The following PPP1R9A variants were observed in gnomAD, a reference collection of about 807,000 sequenced individuals.
The protein encoded by PPP1R9A is neurabin-1.
A neutral mutation model predicts 141.9 loss-of-function variants in PPP1R9A; 59 were observed. That is an observed-to-expected ratio of 0.42 (90% confidence interval 0.34 to 0.52). The LOEUF is 0.52. PPP1R9A is among the 20% of genes least tolerant of loss of function. PPP1R9A has a pLI of 0.10. For synonymous variants in PPP1R9A, 500 were observed against 569.7 expected, an observed-to-expected ratio of 0.88 and a Z score of 1.74; for missense variants, 1,444 against 1,611.9, an observed-to-expected ratio of 0.90 and a Z score of 1.78.
At chr7:95,003,467 A>C (rs1192504220) in intron 2 of PPP1R9A, among the ~76,000 whole-genome samples, 2 of 152,206 alleles carry the variant, frequency 1.3e-5, no homozygotes, top group East Asian at 3.9e-4. Context: ...TACCATGTAG[A>C]GTATAAAAAT....
At chr7:95,244,978 G>A (rs975705951) in intron 8 of PPP1R9A, among the ~76,000 whole-genome samples, 6 of 152,178 alleles carry the variant, frequency 3.9e-5, no homozygotes, top group African/African-American at 1.4e-4. Context: ...AGAGTACATG[G>A]TAGACCAGAG....
chr7:95,006,134 A>G (rs982277739), intron 2 of PPP1R9A, among the ~76,000 whole-genome samples: 5 of 152,056 alleles, frequency 3.3e-5, no homozygotes, highest in African/African-American at 1.2e-4. Flanking sequence ...ACAAAATCTG[A>G]ATTACTTGCT....
At chr7:95,269,129 G>T in intron 13 of PPP1R9A, 78 bp from the exon 14 acceptor site, 8 of 1,331,594 alleles carry the variant, frequency 6.0e-6, no homozygotes, top group Non-Finnish European at 8.1e-6. Flanking sequence ...ATAAAAGGTT[G>T]GTCTTATTTC....
At chr7:95,243,378 G>A (rs1318522835) in intron 8 of PPP1R9A, among the ~76,000 whole-genome samples, 4 of 152,092 alleles carry the variant, frequency 2.6e-5, no homozygotes, top group Admixed American at 6.6e-5. Flanking sequence ...TACCTAGCAC[G>A]TAGTCTCAGT....
intron 2 of PPP1R9A, among the ~76,000 whole-genome samples, chr7:94,932,773 T>G (rs956889947): frequency 6.6e-6 from 1 of 150,762 alleles, no homozygotes; most frequent in Non-Finnish European, 1.5e-5. Context: ...ATTTTTTTTT[T>G]TTTTTTTTTT....
chr7:95,259,419 A>G (rs559841633), intron 12 of PPP1R9A, among the ~76,000 whole-genome samples: 2 of 152,218 alleles, frequency 1.3e-5, no homozygotes, highest in Admixed American at 1.3e-4. Flanking sequence ...AAGCTAAAAA[A>G]TATATATTAG....
chr7:95,252,342 A>G (rs1798995965), intron 12 of PPP1R9A, among the ~76,000 whole-genome samples: 1 of 152,154 alleles, frequency 6.6e-6, no homozygotes, highest in African/African-American at 2.4e-5. Context: ...TCACAACTAA[A>G]GATAAGCCAA....
intron 8 of PPP1R9A, among the ~76,000 whole-genome samples, chr7:95,243,538 A>G (rs976675635): frequency 6.6e-6 from 1 of 152,132 alleles, no homozygotes; most frequent in Non-Finnish European, 1.5e-5. Context: ...AGTTGGAGTA[A>G]TAACTTCTCA....
chr7:95,269,204 C>T lies in PPP1R9A; in HGVS notation c.2824-3C>T, dbSNP rs1319865297. On this transcript the variant is annotated splice_polypyrimidine_tract_variant and splice_region_variant and intron_variant, in intron 13 of 19. Transcript: ENST00000433360. ...CCTTCCTTATAATCTCTTATACCAACAGCCATCAAACAGTTTCTATAACCA... is the reference window on the plus strand; with the variant it reads ...CCTTCCTTATAATCTCTTATACCAATAGCCATCAAACAGTTTCTATAACCA... The T allele has an allele frequency of 2.4e-5, 36 of 1,519,828 alleles. 1 individual carries two copies. In the South Asian group the frequency reaches 4.0e-4, roughly 17 times the overall value. The allele number at this position is 1,519,828 out of a possible 1,614,324, so 94.1% of individuals were successfully genotyped here. A position where few individuals can be genotyped will look rare whatever the true frequency, so the allele number is the denominator to read the frequency against.
intron 8 of PPP1R9A, among the ~76,000 whole-genome samples, chr7:95,241,296 G>A (rs1311534718): frequency 6.6e-6 from 1 of 152,158 alleles, no homozygotes; most frequent in Non-Finnish European, 1.5e-5. Flanking sequence ...GGAATACTGA[G>A]GAAGTTAGAG....
intron 2 of PPP1R9A, among the ~76,000 whole-genome samples, chr7:95,052,763 C>T (rs1264120756): frequency 6.6e-6 from 1 of 152,156 alleles, no homozygotes; most frequent in Non-Finnish European, 1.5e-5. Flanking sequence ...TAGTTATTGG[C>T]ATCAACCAAT....
intron 4 of PPP1R9A, among the ~76,000 whole-genome samples, chr7:95,154,118 T>C (rs990434142): frequency 6.6e-6 from 1 of 152,004 alleles, no homozygotes; most frequent in African/African-American, 2.4e-5. Context: ...AGTTGTGGTT[T>C]TTTTCTTTGT....
chr7:94,955,382 C>G (rs1322556619), intron 2 of PPP1R9A, among the ~76,000 whole-genome samples: 2 of 152,132 alleles, frequency 1.3e-5, no homozygotes, highest in Non-Finnish European at 2.9e-5. Flanking sequence ...TACTCCTATA[C>G]TGTTCTTGCG....
At chr7:95,270,576 C>G (rs1197361927) in intron 14 of PPP1R9A, among the ~76,000 whole-genome samples, 2 of 151,940 alleles carry the variant, frequency 1.3e-5, no homozygotes, top group Admixed American at 6.6e-5. Flanking sequence ...AGATTTTTTT[C>G]TAGAGATTTG....
intron 2 of PPP1R9A, among the ~76,000 whole-genome samples, chr7:95,006,380 G>A (rs989671957): frequency 4.0e-5 from 6 of 151,888 alleles, no homozygotes; most frequent in African/African-American, 1.5e-4. Flanking sequence ...ACCAGACCCG[G>A]CTAATTTTTG....
At chr7:95,070,130 C>T (rs1324861956) in intron 2 of PPP1R9A, among the ~76,000 whole-genome samples, 1 of 152,106 alleles carries the variant, frequency 6.6e-6, no homozygotes, top group Non-Finnish European at 1.5e-5. Flanking sequence ...TCACAGGTTT[C>T]CAGGCTATTG....
chr7:95,138,932 A>C lies in PPP1R9A; in HGVS notation c.1649+18100A>C, dbSNP rs187208213. Reference sequence around the variant, plus strand: ...GAATTTCACTGCCACTTAGGAAAACAGTTTGGAAGTTTTTTTTAAAGTTAA... The same window carrying C: ...GAATTTCACTGCCACTTAGGAAAACCGTTTGGAAGTTTTTTTTAAAGTTAA... On this transcript the variant is annotated intron_variant, in intron 4 of 19. Coordinates refer to ENST00000433360, the MANE Select transcript of PPP1R9A (RefSeq NM_001166160.2). 2.2e-4 allele frequency among the ~76,000 whole-genome samples: 33 copies of C among 152,214 alleles called. No homozygotes were observed. The East Asian group carries it at 5.0e-3, about 23-fold the overall frequency.
At chr7:95,214,997 G>A (rs1228940560) in intron 7 of PPP1R9A, among the ~76,000 whole-genome samples, 1 of 151,908 alleles carries the variant, frequency 6.6e-6, no homozygotes, top group Non-Finnish European at 1.5e-5. Flanking sequence ...TAAACTTTAA[G>A]TTCTAGGGTA....
intron 2 of PPP1R9A, among the ~76,000 whole-genome samples, chr7:94,963,859 G>A (rs528608277): frequency 2.3e-5 from 3 of 130,778 alleles, no homozygotes; most frequent in Non-Finnish European, 5.1e-5. Flanking sequence ...GCCTCATGTG[G>A]GGGCATTGTG....
Sources: allele counts gnomAD v4.1 joint callset (sites outside exome capture counted in the v4.1 genomes callset), GRCh38; gene constraint gnomAD v4.1.1; transcripts MANE v1.5; gene names NCBI Gene and HGNC (gene_info 2026-07-23, HGNC 2026-07-21).